Variants in SEC24A observed in about 807,000 individuals in gnomAD.
SEC24A encodes protein transport protein Sec24A.
SEC24A carries 93 observed loss-of-function variants against 129.4 expected under a neutral mutation model. That is an observed-to-expected ratio of 0.72 (90% confidence interval 0.61 to 0.85). The LOEUF is 0.85. SEC24A is among the 40% of genes least tolerant of loss of function. The pLI is 0.00. For synonymous variants in SEC24A, 460 were observed against 467.3 expected, an observed-to-expected ratio of 0.98 and a Z score of 0.20; for missense variants, 1,264 against 1,307.4, an observed-to-expected ratio of 0.97 and a Z score of 0.51.
At position 134,679,474 on chromosome 5, in the gene SEC24A, C is replaced by G. The variant is rs1751185064; in HGVS notation, c.1255-128C>G. The G allele has an allele frequency of 5.5e-6, 3 of 544,216 alleles. No individual in the cohort carries two copies. The African/African-American group carries it at 5.7e-5, about 10-fold the overall frequency. 33.7% of individuals were successfully genotyped at this position (544,216 alleles called of 1,614,324 possible). ...TTTGTGTATGGCAGTTTAGATACAT[C>G]TTGTACTCTAAGTTTTCTCTAAAAT... On this transcript the variant is annotated intron_variant, in intron 7 of 22. Transcript: ENST00000398844.
Position 134,693,721 on chromosome 5 carries a change from T to TA in SEC24A, c.1780-5dup. 6.2e-7 allele frequency: 1 copy of TA among 1,611,580 alleles called. No individual in the cohort carries two copies. Among genetic ancestry groups the TA allele is most frequent in the Non-Finnish European group, 8.5e-7 (1 of 1,179,136 alleles). ...ACACTTGAGTTTTCTTGCTTTGTTTTACAAGCTCGTGCAAGATTTACTGAA... is the reference window on the plus strand; with the variant it reads ...ACACTTGAGTTTTCTTGCTTTGTTTTAACAAGCTCGTGCAAGATTTACTGAA... On this transcript the variant is annotated splice_polypyrimidine_tract_variant and splice_region_variant and intron_variant, in intron 12 of 22. Transcript: ENST00000398844.
intron 11 of SEC24A, among the ~76,000 whole-genome samples, chr5:134,691,067 G>A (rs960666967): frequency 1.3e-5 from 2 of 151,884 alleles, no homozygotes; most frequent in African/African-American, 4.8e-5. Flanking sequence ...TGGCCAATCT[G>A]GTCTCAAACT....
In SEC24A at chr5:134,649,109, C is replaced by T; in HGVS notation, c.33C>T (p.Gly11=). ...AGCCGGGAATACCGGCCTCCGGCGG[C>T]GCCCCAGCCAGCCTCCAGGCCCAGA... MSQPGIPASG[G]APASLQAQNG... The change falls in exon 1 of 23, where the codon GGC becomes GGT. Residue 11 remains glycine (G), a synonymous_variant. Coordinates refer to ENST00000398844, the MANE Select transcript of SEC24A (RefSeq NM_021982.3). 3 of 1,609,774 alleles carry T rather than the reference C, an allele frequency of 1.9e-6. No individual in the cohort carries two copies. Among genetic ancestry groups the T allele is most frequent in the Non-Finnish European group, 1.7e-6 (2 of 1,178,154 alleles).
At chr5:134,662,460 T>C in intron 2 of SEC24A, among the ~76,000 whole-genome samples, 1 of 152,112 alleles carries the variant, frequency 6.6e-6, no homozygotes, top group African/African-American at 2.4e-5. Flanking sequence ...TTGAAAAGCA[T>C]TTAAAATTCT....
At chr5:134,713,210 C>T (rs1485559537) in intron 18 of SEC24A, among the ~76,000 whole-genome samples, 2 of 152,238 alleles carry the variant, frequency 1.3e-5, no homozygotes, top group East Asian at 1.9e-4. Flanking sequence ...GGATTATAGG[C>T]GTGAGCCACC....
intron 2 of SEC24A, 123 bp downstream of exon 2, chr5:134,661,709 G>A: frequency 2.5e-6 from 2 of 798,278 alleles, no homozygotes; most frequent in Non-Finnish European, 3.8e-6. Flanking sequence ...ATTATTAGTA[G>A]TTTTTTGTTG....
intron 13 of SEC24A, among the ~76,000 whole-genome samples, chr5:134,696,663 T>C (rs1751833521): frequency 6.6e-6 from 1 of 152,066 alleles, no homozygotes; most frequent in Non-Finnish European, 1.5e-5. Flanking sequence ...CATGCCTGGC[T>C]AATTTTTTGT....
Position 134,667,884 on chromosome 5 carries a change from A to G in SEC24A, c.739+888A>G, listed in dbSNP as rs191898160. On this transcript the variant is annotated intron_variant, in intron 3 of 22. Coordinates refer to ENST00000398844, the MANE Select transcript of SEC24A (RefSeq NM_021982.3). ...CATCTTGGGATGTAATGGAAATAAG[A>G]GTGTTCATTTAAATAAGATATTTTA... Among the ~76,000 whole-genome samples, 3 of 152,216 alleles carry G rather than the reference A, an allele frequency of 2.0e-5. No homozygotes were observed. In the East Asian group the frequency reaches 5.8e-4, roughly 29 times the overall value.
intron 1 of SEC24A, among the ~76,000 whole-genome samples, chr5:134,652,925 G>A (rs1393273126): frequency 6.6e-6 from 1 of 151,678 alleles, no homozygotes; most frequent in Non-Finnish European, 1.5e-5. Flanking sequence ...CTCCCGAGTA[G>A]CTGGGACAAT....
chr5:134,718,096 A>T lies in SEC24A; in HGVS notation c.2893A>T (p.Ile965Leu). The T allele has an allele frequency of 6.2e-7, 1 of 1,614,132 alleles. No homozygotes were observed. Among genetic ancestry groups the T allele is most frequent in the Non-Finnish European group, 8.5e-7 (1 of 1,179,998 alleles). The change falls in exon 20 of 23, where the codon ATA (isoleucine) becomes TTA (leucine). Residue 965 changes from isoleucine to leucine, a missense_variant. Ile to Leu is a conservative substitution (Grantham distance 5). Transcript: ENST00000398844. ...AGCACTCAACATCAGTGATAGAACC[A>T]TACCTCAGCCCCCCATTCTTCAGCT... ...EGALNISDRT[I>L]PQPPILQLSV...
In SEC24A at chr5:134,666,892, C is replaced by T. The variant is rs760638226; in HGVS notation, c.635C>T (p.Pro212Leu). The change falls in exon 3 of 23, where the codon CCC becomes CTC. Residue 212 changes from proline to leucine, a missense_variant. Pro to Leu is a moderately conservative substitution (Grantham distance 98). Transcript: ENST00000398844. The stretch of plus-strand genomic sequence containing the variant: ...TTTCAACCAGGAGCTCCTCATGGGC[C>T]CCCTCCAGCTGGAGGCCCACCCCCA... ...TTFQPGAPHG[P>L]PPAGGPPPVR... 1 of 1,612,714 alleles carries T rather than the reference C, an allele frequency of 6.2e-7. No homozygotes were observed. Among genetic ancestry groups the T allele is most frequent in the Admixed American group, 1.7e-5 (1 of 59,984 alleles).
intron 19 of SEC24A, among the ~76,000 whole-genome samples, chr5:134,717,308 C>A (rs1177530559): frequency 1.3e-5 from 2 of 151,420 alleles, no homozygotes; most frequent in African/African-American, 4.8e-5. Context: ...GAGTTTGAGA[C>A]CAGCCTGGCC....
chr5:134,664,688 T>C (rs1645534949), intron 2 of SEC24A, among the ~76,000 whole-genome samples: 1 of 151,882 alleles, frequency 6.6e-6, no homozygotes, highest in Non-Finnish European at 1.5e-5. Context: ...ACTTCTTTGA[T>C]AAGGGAGTTA....
intron 4 of SEC24A, among the ~76,000 whole-genome samples, chr5:134,672,283 G>C (rs1428206495): frequency 1.3e-5 from 2 of 152,148 alleles, no homozygotes; most frequent in Non-Finnish European, 2.9e-5. Flanking sequence ...TGCCTCCTGG[G>C]TTCAAGTGAT....
intron 1 of SEC24A, among the ~76,000 whole-genome samples, chr5:134,652,212 G>T (rs555276711): frequency 2.0e-5 from 3 of 151,860 alleles, no homozygotes; most frequent in African/African-American, 4.8e-5. Flanking sequence ...GTGAGCCACC[G>T]CGCCTGGCCG....
At chr5:134,698,116 C>A in intron 15 of SEC24A, 59 bp downstream of exon 15, 2 of 1,400,486 alleles carry the variant, frequency 1.4e-6, no homozygotes, top group Non-Finnish European at 9.8e-7. Context: ...AGTAAATGTA[C>A]ATGTTTTTAT....
At chr5:134,668,531 G>A (rs186823752) in intron 3 of SEC24A, among the ~76,000 whole-genome samples, 172 of 152,336 alleles carry the variant, frequency 1.1e-3, no homozygotes, top group Middle Eastern at 3.4e-3. Flanking sequence ...TTCCAGACCA[G>A]CCTGGCCAGC....
rs72800329 is a variant in SEC24A at position 134,725,803 on chromosome 5, G to C, written c.*709G>C. The stretch of plus-strand genomic sequence containing the variant: ...TTCCTGATGAAGAGTTGGACATACT[G>C]TCTTAATCTATAGTGAAAAGAATTT... On this transcript the variant is annotated 3_prime_UTR_variant, in exon 23 of 23. Coordinates refer to ENST00000398844, the MANE Select transcript of SEC24A (RefSeq NM_021982.3). The C allele has an allele frequency of 1.3e-5, 2 of 152,470 alleles. No homozygotes were observed. 9.4% of individuals were successfully genotyped at this position (152,470 alleles called of 1,614,324 possible).
intron 18 of SEC24A, among the ~76,000 whole-genome samples, chr5:134,709,233 C>T (rs6878455): frequency 0.042 from 6,302 of 151,780 alleles, 415 homozygotes; most frequent in African/African-American, 0.14. Context: ...AAGAAAGAAA[C>T]GAACACGATG....
Sources: gnomAD v4.1 joint callset for allele counts (sites outside exome capture counted in the v4.1 genomes callset) on GRCh38, gnomAD v4.1.1 for gene constraint, MANE v1.5 for transcripts, NCBI Gene and HGNC (gene_info 2026-07-23, HGNC 2026-07-21) for gene names.